DNAH2: variants seen among roughly 807,000 people sequenced by gnomAD.
DNAH2 encodes dynein axonemal heavy chain 2.
A neutral mutation model predicts 523.5 loss-of-function variants in DNAH2; 323 were observed. The ratio of observed to expected loss-of-function variants is 0.62; its 90% CI spans 0.56 to 0.68. The LOEUF is 0.68. Among genes scored for constraint, DNAH2 ranks in the 30% least tolerant of loss-of-function variants. DNAH2 has a pLI of 0.00. For missense variants in DNAH2, 4,907 were observed against 5,701.5 expected, an observed-to-expected ratio of 0.86 and a Z score of 4.49; for synonymous variants, 2,093 against 2,177.4, an observed-to-expected ratio of 0.96 and a Z score of 1.08.
At position 7,760,955 on chromosome 17, in the gene DNAH2, AAGTC is replaced by A. The variant is rs2075988981; in HGVS notation, c.2978+24_2978+27del. On this transcript the variant is annotated intron_variant, in intron 18 of 85. Coordinates refer to ENST00000572933, the MANE Select transcript of DNAH2 (RefSeq NM_020877.5). This position sits in a 1 kb window ranked among gnomAD's most constrained non-coding sequence, Gnocchi z 4.0. The stretch of plus-strand genomic sequence containing the variant: ...CCGGTGAGTGGTGAGGGTGGATTGA[AAGTC>A]TGTCTGTAGGAGGCACAGCACTGCA... 1 of 1,602,930 alleles carries A rather than the reference AAGTC, an allele frequency of 6.2e-7. No homozygotes were observed. The highest frequency in any genetic ancestry group is 1.7e-4 in the Middle Eastern group (1 of 5,994).
chr17:7,734,031 G>A, intron 5 of DNAH2, 152 bp from the exon 6 acceptor site: 7 of 647,062 alleles, frequency 1.1e-5, no homozygotes, highest in Non-Finnish European at 1.8e-5. Context: ...GTCATTTCTT[G>A]ATATCAAAAA....
chr17:7,812,934 AGAGT>A, intron 63 of DNAH2, among the ~76,000 whole-genome samples: 1 of 150,586 alleles, frequency 6.6e-6, no homozygotes, highest in Admixed American at 6.6e-5. Context: ...CTGAGTGACA[AGAGT>A]GAGACTCTGT....
intron 11 of DNAH2, among the ~76,000 whole-genome samples, chr17:7,741,297 C>CTTTCTTTCTTTCTTT (rs1491588292): frequency 0.012 from 764 of 61,292 alleles, 55 homozygotes; most frequent in Non-Finnish European, 0.016. Flanking sequence ...TTTCTTTCTT[C>CTTTCTTTCTTTCTTT]CTTCCTTCCC....
chr17:7,817,930 C>T lies in DNAH2; in HGVS notation c.10237-16C>T. The T allele has an allele frequency of 3.1e-6, 5 of 1,614,030 alleles. No homozygotes were observed. The highest frequency in any genetic ancestry group is 4.2e-6 in the Non-Finnish European group (5 of 1,179,978). ...CTCTCCCGTAGTGTTCCTTCACCTT[C>T]CCCCTTGCTCTCTAGGGCCTGAAGA... On this transcript the variant is annotated splice_polypyrimidine_tract_variant and intron_variant, in intron 67 of 85. Transcript: ENST00000572933.
At chr17:7,755,336 TCCAG>T (rs2075806946) in intron 12 of DNAH2, among the ~76,000 whole-genome samples, 1 of 2,406 alleles carries the variant, frequency 4.2e-4, no homozygotes, top group South Asian at 0.083. Flanking sequence ...TGTGACCTTC[TCCAG>T]CCTTTCCCAC....
At chr17:7,822,452 G>A (rs1014676036) in intron 73 of DNAH2, among the ~76,000 whole-genome samples, 3 of 152,096 alleles carry the variant, frequency 2.0e-5, no homozygotes, top group Non-Finnish European at 4.4e-5. Flanking sequence ...CCTACTCCCC[G>A]GCGTGTGCAC....
Position 7,733,158 on chromosome 17 carries a change from T to G in DNAH2, c.471T>G (p.Thr157=). 6.2e-7 allele frequency: 1 copy of G among 1,614,214 alleles called. No individual in the cohort carries two copies. The highest frequency in any genetic ancestry group is 8.5e-7 in the Non-Finnish European group (1 of 1,180,026). ...VPITWENFEA[T]VQFGTVRGPY... is the part of the protein sequence containing the mutation. ...TCACCTGGGAGAACTTCGAGGCAAC[T>G]GTGCAGTTTGGGACGGTGCGGGGCC... is the stretch of plus-strand genomic sequence containing the variant. Residue 157 remains threonine (T), a synonymous_variant, in exon 5 of 86, where the codon ACT becomes ACG. Transcript: ENST00000572933.
In DNAH2 at chr17:7,775,294, C is replaced by T. The variant is rs372171385; in HGVS notation, c.4773C>T (p.Gly1591=). 10 of 1,613,320 alleles carry T rather than the reference C, an allele frequency of 6.2e-6. No individual in the cohort carries two copies. The highest frequency in any genetic ancestry group is 1.1e-5 in the South Asian group (1 of 90,880). ...CTGTGGGGATGTTCTCGGGCGACGG[C>T]GAGTACATTGACTTCCTCCACTCAG... ...WEAVGMFSGD[G]EYIDFLHSVF... Residue 1591 remains glycine, a synonymous_variant, in exon 30 of 86, where the codon GGC becomes GGT. Transcript: ENST00000572933.
chr17:7,751,929 G>GTT (rs2075694344), intron 12 of DNAH2, among the ~76,000 whole-genome samples: 1 of 151,278 alleles, frequency 6.6e-6, no homozygotes, highest in African/African-American at 2.4e-5. Flanking sequence ...GGGTGTGTGT[G>GTT]TGTGTGTGTG....
chr17:7,808,279 G>A (rs1371110454), intron 63 of DNAH2, among the ~76,000 whole-genome samples: 2 of 151,706 alleles, frequency 1.3e-5, no homozygotes, highest in Admixed American at 6.6e-5. Context: ...GCTGAGGCAT[G>A]AGAATCGCTT....
In DNAH2 at chr17:7,770,908, T is replaced by C; in HGVS notation, c.4337T>C (p.Val1446Ala). 6.2e-7 allele frequency: 1 copy of C among 1,614,004 alleles called. No homozygotes were observed. Among genetic ancestry groups the C allele is most frequent in the Non-Finnish European group, 8.5e-7 (1 of 1,180,034 alleles). Reference sequence around the variant, plus strand: ...GAGGTTATTGAGATGATTCTCACAGTGCAGCGTCAGTGGATGTACTTAGAG... The same window carrying C: ...GAGGTTATTGAGATGATTCTCACAGCGCAGCGTCAGTGGATGTACTTAGAG... ...ILEVIEMILT[V>A]QRQWMYLENI... Residue 1446 changes from valine (V) to alanine (A), a missense_variant, in exon 27 of 86, where the codon GTG becomes GCG. This residue lies in a region of DNAH2 where 2,806 missense variants were observed against 3,190.8 expected (regional missense o/e 0.88). Coordinates refer to ENST00000572933, the MANE Select transcript of DNAH2 (RefSeq NM_020877.5).
chr17:7,765,940 G>A (rs990046279), intron 21 of DNAH2, among the ~76,000 whole-genome samples: 1 of 151,876 alleles, frequency 6.6e-6, no homozygotes. Context: ...CACCACACCC[G>A]GCTAATTTTT....
rs552782365 is a variant in DNAH2 at position 7,764,349 on chromosome 17, C to T, written c.3336+76C>T. The T allele has an allele frequency of 5.7e-5, 87 of 1,522,190 alleles. 2 individuals carry two copies. Among genetic ancestry groups the T allele is most frequent in the African/African-American group, 3.9e-4 (28 of 72,222 alleles). The allele number at this position is 1,522,190 out of a possible 1,614,324, so 94.3% of individuals were successfully genotyped here. A position where few individuals can be genotyped will look rare whatever the true frequency, so the allele number is the denominator to read the frequency against. On this transcript the variant is annotated intron_variant, in intron 20 of 85. Transcript: ENST00000572933. Reference sequence around the variant, plus strand: ...TGCGGGGGAGGCCCTTGGCTGTCCTCGGGGAGAGTAGAGAAGTGACAGCAG... The same window carrying T: ...TGCGGGGGAGGCCCTTGGCTGTCCTTGGGGAGAGTAGAGAAGTGACAGCAG...
intron 2 of DNAH2, among the ~76,000 whole-genome samples, chr17:7,721,010 T>C (rs181781144): frequency 5.0e-4 from 70 of 139,766 alleles, no homozygotes; most frequent in Non-Finnish European, 7.8e-4. Flanking sequence ...CTTTCTTTTT[T>C]TTTTTTTTTT....
chr17:7,733,269 A>AAATC lies in DNAH2; in HGVS notation c.584_587dup (p.His196GlnfsTer39), dbSNP rs1431444383. On this transcript the variant is annotated frameshift_variant, in exon 5 of 86. Coordinates refer to ENST00000572933, the MANE Select transcript of DNAH2 (RefSeq NM_020877.5). LOFTEE classifies it high-confidence loss of function. Reference sequence around the variant, plus strand: ...ACACAGGCTGGCCTGAGAGCATTAGAAATCATTTTGCTTCTCATCTGCACA... The same window carrying AAATC: ...ACACAGGCTGGCCTGAGAGCATTAGAAATCAATCATTTTGCTTCTCATCTGCACA... 3.7e-5 allele frequency: 60 copies of AAATC among 1,613,984 alleles called. No homozygotes were observed. Among genetic ancestry groups the AAATC allele is most frequent in the Non-Finnish European group, 5.0e-5 (59 of 1,180,022 alleles).
At position 7,798,595 on chromosome 17, in the gene DNAH2, C is replaced by T. The variant is rs2077134337; in HGVS notation, c.8436C>T (p.Leu2812=). 6.2e-7 allele frequency: 1 copy of T among 1,614,130 alleles called. No homozygotes were observed. Among genetic ancestry groups the T allele is most frequent in the Non-Finnish European group, 8.5e-7 (1 of 1,180,028 alleles). ...KRLYRQAGVE[L]KTTSFIFVDT... ...TGTATCGCCAGGCTGGGGTGGAGCT[C>T]AAGACCACGTCCTTCATTTTTGTGG... The change falls in exon 55 of 86, where the codon CTC becomes CTT. Residue 2812 remains leucine, a synonymous_variant. Coordinates refer to ENST00000572933, the MANE Select transcript of DNAH2 (RefSeq NM_020877.5). The surrounding 1 kb of genome is among the most constrained non-coding windows in gnomAD (Gnocchi z 5.5).
rs746465716 is a variant in DNAH2, at chr17:7,727,122, A to G, written c.229A>G (p.Lys77Glu). 1.3e-6 allele frequency: 2 copies of G among 1,552,540 alleles called. No homozygotes were observed. The highest frequency in any genetic ancestry group is 2.4e-5 in the East Asian group (1 of 41,800). ...EESVEPEADV[K>E]PLFLSRAALT... ...TTGGCCCTCTGCTCTCCTTCTGTAG[A>G]AGCCCCTCTTCCTTTCCCGAGCTGC... The change falls in exon 4 of 86, where the codon AAG becomes GAG. Residue 77 changes from lysine (K) to glutamate (E), a missense_variant and splice_region_variant. Physicochemically the swap from Lys to Glu is moderately conservative, Grantham distance 56. Around this residue, in one of 3 missense-constraint regions of DNAH2, gnomAD observed 2,806 missense variants for 3,190.8 expected, o/e 0.88. Coordinates refer to ENST00000572933, the MANE Select transcript of DNAH2 (RefSeq NM_020877.5).
chr17:7,777,059 G>T (rs529099234), intron 32 of DNAH2, among the ~76,000 whole-genome samples, 170 bp downstream of exon 32: 2 of 151,186 alleles, frequency 1.3e-5, no homozygotes, highest in East Asian at 1.9e-4. Context: ...CACCCAGGAG[G>T]TTGAGGCTGC....
chr17:7,799,652 T>G (rs1466520924), intron 56 of DNAH2, among the ~76,000 whole-genome samples: 1 of 151,982 alleles, frequency 6.6e-6, no homozygotes, highest in Non-Finnish European at 1.5e-5. Flanking sequence ...CCGTCTCTAC[T>G]AAAAATACAA....
Sources: allele counts gnomAD v4.1 joint callset (sites outside exome capture counted in the v4.1 genomes callset), GRCh38; gene constraint gnomAD v4.1.1; regional missense constraint gnomAD v4.1.1; non-coding constraint Gnocchi (gnomAD v3.1); transcripts MANE v1.5; gene names NCBI Gene and HGNC (gene_info 2026-07-23, HGNC 2026-07-21).